GALNT14: variants seen among roughly 807,000 people sequenced by gnomAD.
The protein encoded by GALNT14 is polypeptide N-acetylgalactosaminyltransferase 14, also known as UDP-GalNAc:polypeptide N-acetylgalactosaminyltransferase 14.
Under a neutral mutation model 77.5 loss-of-function variants are expected in GALNT14, and 60 were observed. That is an observed-to-expected ratio of 0.77 (90% CI 0.63 to 0.96). The LOEUF (loss-of-function observed/expected upper bound fraction) is 0.96. Ranked by LOEUF, GALNT14 falls within the 40% of genes least tolerant of loss-of-function variation. The probability of loss-of-function intolerance (pLI) is 0.00; values close to 1 mark genes in which losing one functional copy is unlikely to be tolerated. For synonymous variants in GALNT14, 280 were observed against 281.7 expected, an observed-to-expected ratio of 0.99 and a Z score of 0.06; for missense variants, 710 against 731.0, an observed-to-expected ratio of 0.97 and a Z score of 0.33.
chr2:31,125,371 G>A lies in GALNT14; in HGVS notation c.129+12587C>T, dbSNP rs142459814. The A allele has an allele frequency of 1.6e-3, 1,252 of 759,666 alleles. 3 individuals carry two copies. The highest frequency in any genetic ancestry group is 2.6e-3 in the Non-Finnish European group (1,168 of 454,884). 47.1% of individuals were successfully genotyped at this position (759,666 alleles called of 1,614,324 possible). On this transcript the variant is annotated intron_variant, in intron 1 of 14. Coordinates refer to ENST00000349752, the MANE Select transcript of GALNT14 (RefSeq NM_024572.4). Reference sequence around the variant, plus strand: ...ACTCTGTGCCCATAGGAAAGATCTGGATCCAGCCTTGAAAGAGCCCTTATT... The same window carrying A: ...ACTCTGTGCCCATAGGAAAGATCTGAATCCAGCCTTGAAAGAGCCCTTATT...
chr2:31,135,362 T>A (rs1679178853), intron 1 of GALNT14, among the ~76,000 whole-genome samples: 1 of 152,174 alleles, frequency 6.6e-6, no homozygotes, highest in Non-Finnish European at 1.5e-5. Context: ...ACATGTCATA[T>A]AAATTTGGAC....
intron 1 of GALNT14, among the ~76,000 whole-genome samples, chr2:31,115,056 G>T (rs914134744): frequency 6.6e-6 from 1 of 151,988 alleles, no homozygotes. Context: ...AGACCAGCCT[G>T]GGCAACCTAG....
In GALNT14 at chr2:31,009,506, C is replaced by A. The variant is rs147238581; in HGVS notation, c.130-16499G>T. On this transcript the variant is annotated intron_variant, in intron 1 of 14. Coordinates refer to ENST00000349752, the MANE Select transcript of GALNT14 (RefSeq NM_024572.4). Reference sequence around the variant, plus strand: ...CTCCCTACAGGTGACTTCCTCCATTCCTGTGCCTTGACAACCTTCTATAGA... The same window carrying A: ...CTCCCTACAGGTGACTTCCTCCATTACTGTGCCTTGACAACCTTCTATAGA... Among the ~76,000 whole-genome samples, 1,183 of 152,286 alleles carry A rather than the reference C, an allele frequency of 7.8e-3. 19 individuals are homozygous for A. The highest frequency in any genetic ancestry group is 0.027 in the African/African-American group (1,125 of 41,546).
At chr2:31,037,391 T>C (rs1238141344) in intron 1 of GALNT14, among the ~76,000 whole-genome samples, 2 of 152,242 alleles carry the variant, frequency 1.3e-5, no homozygotes, top group African/African-American at 2.4e-5. Flanking sequence ...AATGTTCTCA[T>C]ACTCACTTTT....
intron 1 of GALNT14, among the ~76,000 whole-genome samples, chr2:31,130,734 CTGTGTG>C (rs4020220): frequency 0.058 from 6,822 of 117,474 alleles, 223 homozygotes; most frequent in East Asian, 0.13. Flanking sequence ...CAGGGTACCT[CTGTGTG>C]TGTGTGTGTG....
At chr2:31,049,909 G>T (rs190252483) in intron 1 of GALNT14, among the ~76,000 whole-genome samples, 2 of 152,268 alleles carry the variant, frequency 1.3e-5, no homozygotes, top group East Asian at 3.9e-4. Context: ...TCACTCTTCT[G>T]TGAAATGAAA....
At chr2:30,942,334 T>A (rs764477272) in intron 8 of GALNT14, 30 bp from the exon 9 acceptor site, 3 of 1,517,410 alleles carry the variant, frequency 2.0e-6, no homozygotes, top group Non-Finnish European at 2.7e-6. Context: ...AGAGAGGGGA[T>A]CAGTTCTAGT....
the GALNT14 span, among the ~76,000 whole-genome samples, chr2:30,887,436 C>T: frequency 6.6e-6 from 1 of 152,040 alleles, no homozygotes; most frequent in Non-Finnish European, 1.5e-5. Flanking sequence ...TGCATGGTAT[C>T]TCATGGTAGT....
intron 6 of GALNT14, among the ~76,000 whole-genome samples, chr2:30,953,153 T>C (rs1667139820): frequency 6.6e-6 from 1 of 152,162 alleles, no homozygotes; most frequent in Non-Finnish European, 1.5e-5. Flanking sequence ...CAGGACGACA[T>C]AGCTGGCCCT....
intron 11 of GALNT14, among the ~76,000 whole-genome samples, chr2:30,928,075 T>G (rs932470626): frequency 6.6e-6 from 1 of 152,090 alleles, no homozygotes; most frequent in Non-Finnish European, 1.5e-5. Flanking sequence ...GGGGATGTGG[T>G]TGATATGGCC....
intron 1 of GALNT14, among the ~76,000 whole-genome samples, chr2:31,054,695 T>C (rs72793318): frequency 3.9e-5 from 6 of 152,358 alleles, no homozygotes; most frequent in Non-Finnish European, 7.3e-5. Flanking sequence ...ACAGGCTTCA[T>C]TTGTTTGCTT....
intron 10 of GALNT14, among the ~76,000 whole-genome samples, chr2:30,931,597 C>T (rs1253089675): frequency 6.6e-6 from 1 of 152,086 alleles, no homozygotes; most frequent in African/African-American, 2.4e-5. Flanking sequence ...TTTGACTCTG[C>T]TGGCCAGGCC....
At chr2:30,990,338 G>A (rs1264799574) in intron 2 of GALNT14, among the ~76,000 whole-genome samples, 1 of 152,228 alleles carries the variant, frequency 6.6e-6, no homozygotes, top group South Asian at 2.1e-4. Context: ...GGCCCTGTCA[G>A]CCCAGACAGG....
chr2:30,888,909 C>CT, the GALNT14 span, among the ~76,000 whole-genome samples: 1 of 151,908 alleles, frequency 6.6e-6, no homozygotes, highest in Non-Finnish European at 1.5e-5. Flanking sequence ...TGTATTGTCC[C>CT]CCCCTCCACC....
chr2:31,014,640 A>T (rs893877107), intron 1 of GALNT14, among the ~76,000 whole-genome samples: 1 of 152,222 alleles, frequency 6.6e-6, no homozygotes, highest in Non-Finnish European at 1.5e-5. Flanking sequence ...CATGTAGGTC[A>T]GCAAGTCAGA....
intron 2 of GALNT14, among the ~76,000 whole-genome samples, chr2:30,977,199 C>T (rs1349954764): frequency 6.6e-6 from 1 of 151,734 alleles, no homozygotes; most frequent in East Asian, 1.9e-4. Context: ...AAGCAATTCT[C>T]ATGCCTCAGC....
chr2:30,935,064 G>A (rs952411505), intron 9 of GALNT14, among the ~76,000 whole-genome samples: 3 of 152,174 alleles, frequency 2.0e-5, no homozygotes, highest in Non-Finnish European at 4.4e-5. Context: ...GCAAGCATTA[G>A]CCATGGGAGG....
At chr2:31,036,296 T>C (rs777359403) in intron 1 of GALNT14, among the ~76,000 whole-genome samples, 1 of 152,220 alleles carries the variant, frequency 6.6e-6, no homozygotes, top group Non-Finnish European at 1.5e-5. Flanking sequence ...TTTTTACTTA[T>C]TTTCTTAGTA....
At chr2:30,913,622 C>T (rs538211184) in intron 13 of GALNT14, among the ~76,000 whole-genome samples, 1 of 152,186 alleles carries the variant, frequency 6.6e-6, no homozygotes, top group Non-Finnish European at 1.5e-5. Flanking sequence ...AATACGTCCA[C>T]CTTGAGTCAA....
Sources: allele counts gnomAD v4.1 joint callset (sites outside exome capture counted in the v4.1 genomes callset), GRCh38; gene constraint gnomAD v4.1.1; transcripts MANE v1.5; gene names NCBI Gene and HGNC (gene_info 2026-07-23, HGNC 2026-07-21).